SEMA3E: variants seen among roughly 807,000 people sequenced by gnomAD.
SEMA3E encodes the protein semaphorin-3E.
In SEMA3E, 49 loss-of-function variants were observed where a neutral mutation model predicts 93.6. The ratio of observed to expected loss-of-function variants is 0.52; its 90% CI spans 0.42 to 0.66. SEMA3E has a LOEUF of 0.66. SEMA3E is among the 30% of genes least tolerant of loss of function. SEMA3E has a pLI of 0.00. For synonymous variants in SEMA3E, 363 were observed against 330.7 expected (o/e 1.10, Z -1.06); for missense variants, 906 against 964.8 (o/e 0.94, Z 0.81).
intron 4 of SEMA3E, among the ~76,000 whole-genome samples, chr7:83,458,165 T>A (rs1212723298): frequency 1.3e-5 from 2 of 151,626 alleles, no homozygotes; most frequent in African/African-American, 4.8e-5. Flanking sequence ...TATTTAAAGA[T>A]TCTAATATGA....
chr7:83,478,434 C>T (rs1371792892), intron 2 of SEMA3E, among the ~76,000 whole-genome samples: 1 of 151,904 alleles, frequency 6.6e-6, no homozygotes, highest in Non-Finnish European at 1.5e-5. Flanking sequence ...AAATTTTATA[C>T]ATTAAACAAG....
At position 83,586,005 on chromosome 7, in the gene SEMA3E, G is replaced by C. The variant is rs147560792; in HGVS notation, c.115+62423C>G. On this transcript the variant is annotated intron_variant, in intron 1 of 16. Coordinates refer to ENST00000643230, the MANE Select transcript of SEMA3E (RefSeq NM_012431.3). ...AATAAATGGTAACTTTGGGTAGTGG[G>C]TTTAATGGTGTCCCCTCAAACATAT... 1.2e-3 allele frequency among the ~76,000 whole-genome samples: 178 copies of C among 152,256 alleles called. 1 individual carries two copies. Among genetic ancestry groups the C allele is most frequent in the African/African-American group, 3.9e-3 (162 of 41,562 alleles).
At chr7:83,381,877 A>G (rs551244807) in intron 16 of SEMA3E, among the ~76,000 whole-genome samples, 1 of 152,052 alleles carries the variant, frequency 6.6e-6, no homozygotes, top group Non-Finnish European at 1.5e-5. Context: ...TATATTGTGT[A>G]TGTTGTGTAA....
chr7:83,447,262 A>C (rs1405251768), intron 4 of SEMA3E, among the ~76,000 whole-genome samples: 2 of 152,020 alleles, frequency 1.3e-5, no homozygotes, highest in Non-Finnish European at 2.9e-5. Flanking sequence ...TTTGGCTGGG[A>C]CTGGTGGCTC....
intron 1 of SEMA3E, among the ~76,000 whole-genome samples, chr7:83,590,518 A>T (rs561096190): frequency 2.6e-5 from 4 of 152,202 alleles, no homozygotes; most frequent in Admixed American, 2.6e-4. Flanking sequence ...AGCACTAAAA[A>T]GTAGAATATT....
chr7:83,520,832 G>T (rs1299171075), intron 1 of SEMA3E, among the ~76,000 whole-genome samples: 1 of 152,048 alleles, frequency 6.6e-6, no homozygotes, highest in African/African-American at 2.4e-5. Flanking sequence ...AATTTTTTTT[G>T]TAACTGGTCA....
intron 4 of SEMA3E, among the ~76,000 whole-genome samples, chr7:83,440,603 C>G (rs1036700898): frequency 6.6e-5 from 10 of 152,018 alleles, no homozygotes; most frequent in African/African-American, 2.2e-4. Context: ...AACCATTCCC[C>G]TATAATGGGA....
At chr7:83,392,072 A>G (rs891940711) in intron 14 of SEMA3E, among the ~76,000 whole-genome samples, 1 of 152,128 alleles carries the variant, frequency 6.6e-6, no homozygotes, top group African/African-American at 2.4e-5. Flanking sequence ...GACCTCACAG[A>G]ATTGTAGGCA....
chr7:83,538,486 T>C (rs1796753304), intron 1 of SEMA3E, among the ~76,000 whole-genome samples: 1 of 152,224 alleles, frequency 6.6e-6, no homozygotes, highest in Middle Eastern at 3.2e-3. Flanking sequence ...ATATCTTCCC[T>C]GGAGGAGTGT....
At chr7:83,559,062 G>T (rs2535384) in intron 1 of SEMA3E, among the ~76,000 whole-genome samples, 1 of 151,958 alleles carries the variant, frequency 6.6e-6, no homozygotes, top group Non-Finnish European at 1.5e-5. Flanking sequence ...TATAAATAAA[G>T]CACCAATAAT....
At chr7:83,492,529 T>C (rs189495822) in intron 1 of SEMA3E, among the ~76,000 whole-genome samples, 3 of 152,120 alleles carry the variant, frequency 2.0e-5, no homozygotes, top group Admixed American at 2.0e-4. Flanking sequence ...TATTTTATTC[T>C]GGTGTATCAC....
At chr7:83,597,398 G>A (rs946465874) in intron 1 of SEMA3E, among the ~76,000 whole-genome samples, 1 of 152,154 alleles carries the variant, frequency 6.6e-6, no homozygotes, top group African/African-American at 2.4e-5. Flanking sequence ...GGGCCTTAGT[G>A]ATACTCATTC....
chr7:83,505,521 T>C (rs970488741), intron 1 of SEMA3E, among the ~76,000 whole-genome samples: 1 of 152,152 alleles, frequency 6.6e-6, no homozygotes, highest in Non-Finnish European at 1.5e-5. Flanking sequence ...TTTGTGGAAG[T>C]ATAGGAGTGG....
At chr7:83,457,885 C>T (rs1308849793) in intron 4 of SEMA3E, among the ~76,000 whole-genome samples, 1 of 152,068 alleles carries the variant, frequency 6.6e-6, no homozygotes, top group Non-Finnish European at 1.5e-5. Flanking sequence ...TAAATCCCTG[C>T]CTCTTAGCTG....
intron 1 of SEMA3E, among the ~76,000 whole-genome samples, chr7:83,537,053 T>A (rs1035070433): frequency 2.0e-5 from 3 of 151,864 alleles, no homozygotes; most frequent in Admixed American, 2.0e-4. Flanking sequence ...TCTCTCTCTC[T>A]CACTCTCTCT....
At position 83,363,369 on chromosome 7, in the gene SEMA3E, A is replaced by T. The variant is rs950126141; in HGVS notation, c.*4217T>A. 6.6e-6 allele frequency: 1 copy of T among 152,204 alleles called. No homozygotes were observed. Among genetic ancestry groups the T allele is most frequent in the African/African-American group, 2.4e-5 (1 of 41,454 alleles). The allele number at this position is 152,204 out of a possible 1,614,324, so 9.4% of individuals were successfully genotyped here. The stretch of plus-strand genomic sequence containing the variant: ...GAGACACACTGTTAATGGTCCCTGC[A>T]GCTTGCCACCAGATGCTAATAAGTC... On this transcript the variant is annotated 3_prime_UTR_variant, in exon 17 of 17. Coordinates refer to ENST00000643230, the MANE Select transcript of SEMA3E (RefSeq NM_012431.3).
chr7:83,602,722 C>T (rs949690963), intron 1 of SEMA3E, among the ~76,000 whole-genome samples: 19 of 152,028 alleles, frequency 1.2e-4, no homozygotes, highest in African/African-American at 3.9e-4. Flanking sequence ...GTGATCTGCC[C>T]GCCTCAGCCT....
chr7:83,426,022 G>A (rs913806436), intron 4 of SEMA3E, among the ~76,000 whole-genome samples: 3 of 152,088 alleles, frequency 2.0e-5, no homozygotes, highest in Non-Finnish European at 4.4e-5. Flanking sequence ...ACCACAATGA[G>A]ATACCATCTC....
intron 1 of SEMA3E, among the ~76,000 whole-genome samples, chr7:83,558,486 CTG>C (rs1446814860): frequency 2.6e-5 from 4 of 152,018 alleles, no homozygotes; most frequent in Admixed American, 6.6e-5. Flanking sequence ...AAAATTTAAA[CTG>C]TGTCATTTCA....
Sources: gnomAD v4.1 joint callset for allele counts (sites outside exome capture counted in the v4.1 genomes callset) on GRCh38, gnomAD v4.1.1 for gene constraint, MANE v1.5 for transcripts, NCBI Gene and HGNC (gene_info 2026-07-23, HGNC 2026-07-21) for gene names.